Variants in CLYBL observed in about 807,000 individuals in gnomAD.
The protein encoded by CLYBL is citramalyl-CoA lyase.
In CLYBL, 31 loss-of-function variants were observed where a neutral mutation model predicts 38.9. The observed-to-expected ratio is 0.80, with a 90% CI of 0.60 to 1.08. The LOEUF is 1.08. CLYBL is among the 50% of genes least tolerant of loss of function. CLYBL has a pLI of 0.00. For synonymous variants in CLYBL, 171 were observed against 158.6 expected (o/e 1.08, Z -0.59); for missense variants, 434 against 411.6 (o/e 1.05, Z -0.47).
intron 1 of CLYBL, among the ~76,000 whole-genome samples, chr13:99,686,512 C>CAGAGAGAGAGAGAG (rs34750084): frequency 4.0e-5 from 6 of 150,104 alleles, no homozygotes; most frequent in African/African-American, 9.8e-5. Context: ...TTTGTTTCAA[C>CAGAGAGAGAGAGAG]AGAGAGAGAG....
At chr13:99,639,396 T>G (rs1229825908) in intron 1 of CLYBL, among the ~76,000 whole-genome samples, 6 of 152,252 alleles carry the variant, frequency 3.9e-5, no homozygotes, top group Non-Finnish European at 8.8e-5. Context: ...TATGCTTTAA[T>G]TATGCATTGT....
chr13:99,829,834 G>A (rs550038528), intron 2 of CLYBL, among the ~76,000 whole-genome samples: 7 of 152,234 alleles, frequency 4.6e-5, no homozygotes, highest in Admixed American at 3.3e-4. Context: ...TCATTTACTC[G>A]CTTGAGTGTA....
intron 1 of CLYBL, among the ~76,000 whole-genome samples, chr13:99,762,849 T>C (rs1249299871): frequency 6.6e-6 from 1 of 152,162 alleles, no homozygotes; most frequent in Admixed American, 6.5e-5. Flanking sequence ...CTTTCATTGG[T>C]GTTTTATAGT....
At chr13:99,782,109 G>A (rs1431611885) in intron 2 of CLYBL, among the ~76,000 whole-genome samples, 3 of 151,764 alleles carry the variant, frequency 2.0e-5, no homozygotes, top group African/African-American at 4.8e-5. Context: ...TTGTATCTCA[G>A]ATCTTCCTGG....
At chr13:99,637,962 C>CTTATTTTT (rs767108553) in intron 1 of CLYBL, among the ~76,000 whole-genome samples, 4,475 of 94,988 alleles carry the variant, frequency 0.047, 400 homozygotes, top group African/African-American at 0.17. Flanking sequence ...TCAACAGTGC[C>CTTATTTTT]TTTTTTTTTT....
chr13:99,658,828 C>G (rs1055385861), intron 1 of CLYBL, among the ~76,000 whole-genome samples: 1 of 152,202 alleles, frequency 6.6e-6, no homozygotes, highest in Non-Finnish European at 1.5e-5. Context: ...TCACCAGAGC[C>G]TCTTTTTTTA....
chr13:99,838,469 A>G (rs2139109718), intron 2 of CLYBL, among the ~76,000 whole-genome samples: 1 of 152,230 alleles, frequency 6.6e-6, no homozygotes, highest in South Asian at 2.1e-4. Context: ...TACAATTTTT[A>G]TCTCAGAAAT....
At chr13:99,770,354 G>A in intron 1 of CLYBL, among the ~76,000 whole-genome samples, 1 of 152,034 alleles carries the variant, frequency 6.6e-6, no homozygotes, top group East Asian at 1.9e-4. Context: ...GTCTCGCTCT[G>A]TCACCCAGGG....
At chr13:99,688,025 A>G (rs2047843329) in intron 1 of CLYBL, among the ~76,000 whole-genome samples, 1 of 152,268 alleles carries the variant, frequency 6.6e-6, no homozygotes, top group African/African-American at 2.4e-5. Flanking sequence ...ATATCTGAGT[A>G]GCTAGAAAGA....
At chr13:99,695,231 C>T (rs1338998236) in intron 1 of CLYBL, among the ~76,000 whole-genome samples, 2 of 152,146 alleles carry the variant, frequency 1.3e-5, no homozygotes. Context: ...GCTGGGGGAT[C>T]AGTTCCTTTT....
chr13:99,705,747 G>GT (rs1008520351), intron 1 of CLYBL, among the ~76,000 whole-genome samples: 6 of 152,196 alleles, frequency 3.9e-5, no homozygotes, highest in Non-Finnish European at 7.4e-5. Flanking sequence ...ACCCGGGGCT[G>GT]GGGGGAAGGA....
chr13:99,880,522 A>G lies in CLYBL; in HGVS notation c.927+9460A>G, dbSNP rs543262007. Among the ~76,000 whole-genome samples, 3 of 152,302 alleles carry G rather than the reference A, an allele frequency of 2.0e-5. No homozygotes were observed. The South Asian group carries it at 6.2e-4, about 32-fold the overall frequency. ...ATTCCTGGATTCAAAGTCAGGTGTA[A>G]TGGAGCCCAAAGTCCACATCCCTAA... On this transcript the variant is annotated intron_variant, in intron 7 of 8. Coordinates refer to ENST00000339105, the MANE Select transcript of CLYBL (RefSeq NM_206808.5).
intron 2 of CLYBL, among the ~76,000 whole-genome samples, chr13:99,777,163 G>A (rs566022625): frequency 2.4e-4 from 36 of 152,170 alleles, no homozygotes; most frequent in African/African-American, 7.0e-4. Flanking sequence ...ACAGGCCACC[G>A]CACCCAGCCC....
chr13:99,807,830 A>C (rs2050262122), intron 2 of CLYBL, among the ~76,000 whole-genome samples: 1 of 152,222 alleles, frequency 6.6e-6, no homozygotes. Flanking sequence ...TTTTTTAAAA[A>C]GGAAAAAGAA....
chr13:99,838,890 C>T (rs1169489949), intron 2 of CLYBL, among the ~76,000 whole-genome samples: 1 of 152,190 alleles, frequency 6.6e-6, no homozygotes, highest in Non-Finnish European at 1.5e-5. Context: ...CCACCCGCCT[C>T]GGCCTCCCAA....
At chr13:99,793,269 G>A (rs1435479160) in intron 2 of CLYBL, among the ~76,000 whole-genome samples, 3 of 152,144 alleles carry the variant, frequency 2.0e-5, no homozygotes, top group Non-Finnish European at 4.4e-5. Context: ...GGGGCATGGG[G>A]AGCCAACTCC....
chr13:99,749,630 G>T (rs2048918435), intron 1 of CLYBL, among the ~76,000 whole-genome samples: 1 of 152,220 alleles, frequency 6.6e-6, no homozygotes, highest in African/African-American at 2.4e-5. Context: ...ACAAAACAGT[G>T]CACTTCATTG....
rs925480899 is a variant in CLYBL, at chr13:99,889,370, C to T, written c.928-1948C>T. On this transcript the variant is annotated intron_variant, in intron 7 of 8. Transcript: ENST00000339105. Reference sequence around the variant, plus strand: ...CTCCAATAAGAAAACTAGACGATTGCCTTGTAAAACAGCATGTGACCCAGG... The same window carrying T: ...CTCCAATAAGAAAACTAGACGATTGTCTTGTAAAACAGCATGTGACCCAGG... Among the ~76,000 whole-genome samples the T allele has an allele frequency of 4.6e-5, 7 of 152,254 alleles. No individual in the cohort carries two copies. The South Asian group carries it at 6.2e-4, about 14-fold the overall frequency.
At chr13:99,773,640 G>T (rs533881303) in intron 2 of CLYBL, among the ~76,000 whole-genome samples, 55 of 152,054 alleles carry the variant, frequency 3.6e-4, no homozygotes, top group Admixed American at 1.8e-3. Context: ...ACAGGTCCCT[G>T]GTGCCAAAAA....
Sources: gnomAD v4.1 joint callset for allele counts (sites outside exome capture counted in the v4.1 genomes callset) on GRCh38, gnomAD v4.1.1 for gene constraint, MANE v1.5 for transcripts, NCBI Gene and HGNC (gene_info 2026-07-23, HGNC 2026-07-21) for gene names.